ZDHHC15: variants seen among roughly 807,000 people sequenced by gnomAD.
ZDHHC15 encodes zDHHC palmitoyltransferase 15.
In ZDHHC15, 19 loss-of-function variants were observed where a neutral mutation model predicts 31.7. The observed-to-expected ratio is 0.60, with a 90% CI of 0.42 to 0.88. ZDHHC15 has a LOEUF of 0.88. Ranked by LOEUF, ZDHHC15 falls within the 40% of genes least tolerant of loss-of-function variation. The probability of loss-of-function intolerance (pLI) is 0.00; values close to 1 mark genes in which losing one functional copy is unlikely to be tolerated. For missense variants in ZDHHC15, 209 were observed against 251.2 expected, an observed-to-expected ratio of 0.83 and a Z score of 1.14; for synonymous variants, 103 against 90.0, an observed-to-expected ratio of 1.14 and a Z score of -0.82.
At chrX:75,473,815 A>G (rs1230338710) in intron 3 of ZDHHC15, among the ~76,000 whole-genome samples, 1 of 111,994 alleles carries the variant, frequency 8.9e-6, no homozygotes, top group Admixed American at 9.5e-5. Flanking sequence ...CTAAGAAAAT[A>G]TCTTCCATTT....
rs1308728676 is a variant in ZDHHC15, at chrX:75,370,786, G to T, written c.*2192C>A. On this transcript the variant is annotated 3_prime_UTR_variant, in exon 12 of 12. Transcript: ENST00000373367. ...ACCTCAGGTGGTCCGGCCGCCTTGG[G>T]CTCCCAAAATGTTGGGATTACAGGT... 1 of 111,397 alleles carries T rather than the reference G, an allele frequency of 9.0e-6. No homozygotes were observed. Among genetic ancestry groups the T allele is most frequent in the Non-Finnish European group, 1.9e-5 (1 of 53,087 alleles). The allele number at this position is 111,397 out of a possible 1,213,427, so 9.2% of individuals were successfully genotyped here.
At chrX:75,483,736 T>C (rs2084731179) in intron 2 of ZDHHC15, among the ~76,000 whole-genome samples, 1 of 111,499 alleles carries the variant, frequency 9.0e-6, no homozygotes, top group Admixed American at 9.6e-5. Context: ...TTAAAATGGA[T>C]AGTTGAAATA....
At chrX:75,501,952 T>A (rs759487234) in intron 2 of ZDHHC15, 15 of 112,159 alleles carry the variant, frequency 1.3e-4, no homozygotes, top group African/African-American at 4.8e-4. Flanking sequence ...GCAGAAGCTC[T>A]TCAGTTTAAT....
chrX:75,433,461 C>T (rs1345880458), intron 4 of ZDHHC15, among the ~76,000 whole-genome samples: 1 of 109,540 alleles, frequency 9.1e-6, no homozygotes, highest in Non-Finnish European at 1.9e-5. Flanking sequence ...CCCCAGAGTA[C>T]ACTATATCAT....
chrX:75,391,855 G>C (rs1226443760), intron 10 of ZDHHC15, among the ~76,000 whole-genome samples: 1 of 111,977 alleles, frequency 8.9e-6, no homozygotes, highest in Non-Finnish European at 1.9e-5. Context: ...CTCATATCTT[G>C]AGTAGAAAGA....
chrX:75,472,813 A>G (rs1372613423), intron 3 of ZDHHC15, among the ~76,000 whole-genome samples: 1 of 112,007 alleles, frequency 8.9e-6, no homozygotes, highest in Admixed American at 9.4e-5. Context: ...CGACCTGGCT[A>G]TGGCCACTGC....
At position 75,421,411 on chromosome X, in the gene ZDHHC15, A is replaced by AATATATATATAAT. The variant is rs1556003870; in HGVS notation, c.863+440_863+452dup. On this transcript the variant is annotated intron_variant, in intron 9 of 11. Transcript: ENST00000373367. ...GTATATATATATATTATATATATATAATATATATATAATATATATATAATA... is the reference window on the plus strand; with the variant it reads ...GTATATATATATATTATATATATATAATATATATATAATATATATATATAATATATATATAATA... 7.7e-4 allele frequency among the ~76,000 whole-genome samples: 20 copies of AATATATATATAAT among 26,053 alleles called. 2 individuals carry two copies. The East Asian group carries it at 9.6e-3, about 12-fold the overall frequency. 22.6% of individuals were successfully genotyped at this position (26,053 alleles called of 115,157 possible).
intron 2 of ZDHHC15, among the ~76,000 whole-genome samples, chrX:75,486,223 G>T (rs1478481658): frequency 1.8e-5 from 2 of 111,844 alleles, no homozygotes; most frequent in East Asian, 5.6e-4. Context: ...GAGCTGAAAT[G>T]GATTTAGGGA....
intron 10 of ZDHHC15, among the ~76,000 whole-genome samples, chrX:75,408,868 T>C (rs1333473696): frequency 8.9e-6 from 1 of 111,827 alleles, no homozygotes; most frequent in Non-Finnish European, 1.9e-5. Context: ...GTATATAAAA[T>C]ACCTAGGAAT....
chrX:75,374,219 C>T (rs1345340036), intron 11 of ZDHHC15, among the ~76,000 whole-genome samples: 2 of 108,762 alleles, frequency 1.8e-5, no homozygotes, highest in African/African-American at 6.7e-5. Flanking sequence ...CATCACACAC[C>T]GGGGCCTGTC....
At chrX:75,424,013 C>G (rs749632449) in intron 8 of ZDHHC15, among the ~76,000 whole-genome samples, 1 of 111,264 alleles carries the variant, frequency 9.0e-6, no homozygotes, top group Non-Finnish European at 1.9e-5. Flanking sequence ...TGGAATCCAT[C>G]AGTAATATAG....
chrX:75,401,673 T>C (rs1259139111), intron 10 of ZDHHC15, among the ~76,000 whole-genome samples: 6 of 112,044 alleles, frequency 5.4e-5, no homozygotes, highest in Non-Finnish European at 1.1e-4. Context: ...AAGGGTTCGA[T>C]TCAACAAGAA....
intron 10 of ZDHHC15, among the ~76,000 whole-genome samples, chrX:75,385,590 T>C (rs1244678367): frequency 8.9e-6 from 1 of 111,819 alleles, no homozygotes; most frequent in Non-Finnish European, 1.9e-5. Context: ...AGTTCTCTTA[T>C]TTTAATGAGT....
chrX:75,451,302 G>A (rs187731753), intron 3 of ZDHHC15, among the ~76,000 whole-genome samples: 136 of 111,556 alleles, frequency 1.2e-3, no homozygotes, highest in African/African-American at 4.3e-3. Flanking sequence ...TTTTGCCAGG[G>A]CCCTGTTGAT....
At chrX:75,416,083 G>T (rs950338014) in intron 10 of ZDHHC15, among the ~76,000 whole-genome samples, 5 of 112,232 alleles carry the variant, frequency 4.5e-5, no homozygotes, top group Non-Finnish European at 1.9e-5. Context: ...AAGTAAGGGA[G>T]TTGCCCTTGT....
chrX:75,467,564 T>G (rs899966203), intron 3 of ZDHHC15, among the ~76,000 whole-genome samples: 1 of 112,297 alleles, frequency 8.9e-6, no homozygotes, highest in Non-Finnish European at 1.9e-5. Context: ...CAATGTACTC[T>G]CCTTTTCTTT....
At chrX:75,377,777 G>A (rs945201509) in intron 11 of ZDHHC15, among the ~76,000 whole-genome samples, 8 of 111,155 alleles carry the variant, frequency 7.2e-5, no homozygotes, top group Non-Finnish European at 1.3e-4. Context: ...ACCTCCTTTT[G>A]GTGAGCCACA....
chrX:75,443,255 G>A (rs2083973113), intron 4 of ZDHHC15, among the ~76,000 whole-genome samples: 1 of 110,045 alleles, frequency 9.1e-6, no homozygotes, highest in South Asian at 3.9e-4. Context: ...CTACTGTTTT[G>A]GTACCAAAAC....
At position 75,372,532 on chromosome X, in the gene ZDHHC15, C is replaced by G. The variant is rs1225640928; in HGVS notation, c.*446G>C. On this transcript the variant is annotated 3_prime_UTR_variant, in exon 12 of 12. Transcript: ENST00000373367. ...TATGCTGTACGTGTTCACAAATGCA[C>G]ACGCACACAAGCAGCAAATGTAGTT... The G allele has an allele frequency of 1.8e-5, 2 of 111,571 alleles. No individual in the cohort carries two copies. Among genetic ancestry groups the G allele is most frequent in the African/African-American group, 6.5e-5 (2 of 30,720 alleles). The allele number at this position is 111,571 out of a possible 1,213,427, so 9.2% of individuals were successfully genotyped here. A position where few individuals can be genotyped will look rare whatever the true frequency, so the allele number is the denominator to read the frequency against.
Sources: gnomAD v4.1 joint callset for allele counts (sites outside exome capture counted in the v4.1 genomes callset) on GRCh38, gnomAD v4.1.1 for gene constraint, MANE v1.5 for transcripts, NCBI Gene and HGNC (gene_info 2026-07-23, HGNC 2026-07-21) for gene names.